PCSK2: variants seen among roughly 807,000 people sequenced by gnomAD.
PCSK2 encodes the protein neuroendocrine convertase 2.
Under a neutral mutation model 69.7 loss-of-function variants are expected in PCSK2, and 14 were observed. That is an observed-to-expected ratio of 0.20 (90% CI 0.13 to 0.31). The LOEUF (loss-of-function observed/expected upper bound fraction) is 0.31, where lower values mean the gene tolerates loss of function less well. Ranked by LOEUF, PCSK2 falls within the 10% of genes least tolerant of loss-of-function variation. PCSK2 has a pLI of 1.00. For missense variants in PCSK2, 544 were observed against 842.5 expected (o/e 0.65, Z 4.39); for synonymous variants, 307 against 320.7 (o/e 0.96, Z 0.46).
chr20:17,287,834 C>T (rs968802160), intron 2 of PCSK2, among the ~76,000 whole-genome samples: 1 of 152,216 alleles, frequency 6.6e-6, no homozygotes, highest in Non-Finnish European at 1.5e-5. Flanking sequence ...TTGTGTCATA[C>T]CTGGCCATAA....
intron 2 of PCSK2, among the ~76,000 whole-genome samples, chr20:17,346,874 T>C (rs1385470718): frequency 6.6e-6 from 1 of 152,188 alleles, no homozygotes; most frequent in Non-Finnish European, 1.5e-5. Flanking sequence ...AGCTGAGATT[T>C]CACTTTCTCG....
At chr20:17,400,617 T>C (rs2031613038) in intron 5 of PCSK2, among the ~76,000 whole-genome samples, 1 of 152,106 alleles carries the variant, frequency 6.6e-6, no homozygotes, top group African/African-American at 2.4e-5. Context: ...AATTACAAAA[T>C]GTAATTAAAA....
intron 2 of PCSK2, among the ~76,000 whole-genome samples, chr20:17,264,062 A>G (rs1008680384): frequency 6.6e-6 from 1 of 152,188 alleles, no homozygotes; most frequent in African/African-American, 2.4e-5. Context: ...TTCTACAAGT[A>G]CCTGAAAAGC....
intron 2 of PCSK2, among the ~76,000 whole-genome samples, chr20:17,268,984 C>A (rs942585746): frequency 2.0e-5 from 3 of 152,136 alleles, no homozygotes; most frequent in Non-Finnish European, 4.4e-5. Flanking sequence ...AAAGGTGACT[C>A]CTAAGTTGTT....
At chr20:17,304,192 A>C (rs1036828566) in intron 2 of PCSK2, among the ~76,000 whole-genome samples, 5 of 152,110 alleles carry the variant, frequency 3.3e-5, no homozygotes, top group African/African-American at 1.2e-4. Flanking sequence ...CTTAGCACAA[A>C]GTGAGCACTA....
intron 10 of PCSK2, 25 bp downstream of exon 10, chr20:17,456,473 G>A (rs773932228): frequency 7.7e-7 from 1 of 1,299,048 alleles, no homozygotes; most frequent in Non-Finnish European, 1.1e-6. Context: ...CTGGGTCCAG[G>A]GCCAGCTCTG....
At chr20:17,396,730 C>T (rs1240348202) in intron 5 of PCSK2, among the ~76,000 whole-genome samples, 3 of 152,124 alleles carry the variant, frequency 2.0e-5, no homozygotes, top group Admixed American at 6.5e-5. Context: ...GATCCTCCCG[C>T]CTCAGCCTCC....
At chr20:17,464,627 A>G (rs749981053) in intron 10 of PCSK2, 3 of 152,224 alleles carry the variant, frequency 2.0e-5, no homozygotes, top group Admixed American at 2.0e-4. Flanking sequence ...TCTTGTTTTT[A>G]TATTTTAAAC....
intron 1 of PCSK2, among the ~76,000 whole-genome samples, chr20:17,234,171 A>G (rs973939177): frequency 1.3e-5 from 2 of 152,214 alleles, no homozygotes; most frequent in Non-Finnish European, 2.9e-5. Context: ...ACCGAGCCAG[A>G]TCACAACAAA....
At chr20:17,439,374 C>G (rs1437977089) in intron 8 of PCSK2, among the ~76,000 whole-genome samples, 1 of 152,100 alleles carries the variant, frequency 6.6e-6, no homozygotes, top group Non-Finnish European at 1.5e-5. Context: ...ATCCTCCCAC[C>G]TTGGCCTCCC....
intron 1 of PCSK2, 89 bp from the exon 2 acceptor site, chr20:17,260,151 G>C (rs566548320): frequency 7.6e-6 from 6 of 788,244 alleles, no homozygotes; most frequent in African/African-American, 5.1e-5. Context: ...ACCCCATGGA[G>C]CCCCTGCAAG....
chr20:17,317,127 C>T (rs779444834), intron 2 of PCSK2, among the ~76,000 whole-genome samples: 3 of 152,136 alleles, frequency 2.0e-5, no homozygotes, highest in Non-Finnish European at 2.9e-5. Flanking sequence ...GATGCTCCTG[C>T]TAGCTCTTAG....
At chr20:17,428,026 G>A (rs764932818) in intron 6 of PCSK2, among the ~76,000 whole-genome samples, 8 of 152,184 alleles carry the variant, frequency 5.3e-5, no homozygotes, top group South Asian at 4.1e-4. Context: ...AGGAACAATC[G>A]TAAGAAACCT....
chr20:17,477,822 T>A (rs1009500544), intron 11 of PCSK2, among the ~76,000 whole-genome samples: 1 of 152,212 alleles, frequency 6.6e-6, no homozygotes, highest in Non-Finnish European at 1.5e-5. Context: ...CAGGGTTAAG[T>A]AGCAGATTGA....
At chr20:17,469,934 C>A (rs6111544) in intron 11 of PCSK2, among the ~76,000 whole-genome samples, 2 of 152,114 alleles carry the variant, frequency 1.3e-5, no homozygotes, top group Non-Finnish European at 2.9e-5. Context: ...AAACACCCAC[C>A]TAGTGGGTGC....
chr20:17,237,324 G>A (rs1342855417), intron 1 of PCSK2, among the ~76,000 whole-genome samples: 1 of 152,178 alleles, frequency 6.6e-6, no homozygotes, highest in Non-Finnish European at 1.5e-5. Flanking sequence ...AAAGTAACAT[G>A]CACAAGGATT....
intron 11 of PCSK2, chr20:17,479,265 G>T: frequency 9.1e-7 from 1 of 1,097,678 alleles, no homozygotes; most frequent in Non-Finnish European, 1.4e-6. Flanking sequence ...TCCCAGCTTA[G>T]GCAGATGTGT....
At chr20:17,403,702 G>A (rs780890573) in intron 5 of PCSK2, among the ~76,000 whole-genome samples, 32 of 152,180 alleles carry the variant, frequency 2.1e-4, no homozygotes, top group East Asian at 3.8e-4. Flanking sequence ...AATGCAATGC[G>A]GTTTCTTGTT....
chr20:17,274,339 T>G (rs1987976596), intron 2 of PCSK2, among the ~76,000 whole-genome samples: 1 of 152,156 alleles, frequency 6.6e-6, no homozygotes, highest in South Asian at 2.1e-4. Flanking sequence ...ATGTGTGACC[T>G]TCTGCAATAG....
Sources: gnomAD v4.1 joint callset for allele counts (sites outside exome capture counted in the v4.1 genomes callset) on GRCh38, gnomAD v4.1.1 for gene constraint, MANE v1.5 for transcripts, NCBI Gene and HGNC (gene_info 2026-07-23, HGNC 2026-07-21) for gene names.